TCF7: variants seen among roughly 807,000 people sequenced by gnomAD.
TCF7 encodes transcription factor 7.
A neutral mutation model predicts 46.8 loss-of-function variants in TCF7; 19 were observed. The ratio of observed to expected loss-of-function variants is 0.41; its 90% CI spans 0.28 to 0.60. TCF7 has a LOEUF of 0.60. Ranked by LOEUF, TCF7 falls within the 20% of genes least tolerant of loss-of-function variation. The pLI is 0.35. For synonymous variants in TCF7, 245 were observed against 213.4 expected (o/e 1.15, Z -1.29); for missense variants, 547 against 504.6 (o/e 1.08, Z -0.81).
the TCF7 span, among the ~76,000 whole-genome samples, chr5:134,109,512 G>A: frequency 2.0e-5 from 3 of 152,156 alleles, no homozygotes; most frequent in East Asian, 1.9e-4. Flanking sequence ...GCTCACGCTT[G>A]TAATCCCAGC....
At chr5:134,125,583 TGAG>T (rs1374498348) in intron 3 of TCF7, among the ~76,000 whole-genome samples, 2 of 152,116 alleles carry the variant, frequency 1.3e-5, no homozygotes, top group African/African-American at 4.8e-5. Context: ...CTGCTGAGGG[TGAG>T]GTGGTGGTCT....
chr5:134,140,974 T>C (rs1759660063), intron 5 of TCF7: 1 of 327,658 alleles, frequency 3.1e-6, no homozygotes, highest in Non-Finnish European at 6.0e-6. Context: ...GGCCAGTGCT[T>C]GCCCTGTGTT....
intron 3 of TCF7, among the ~76,000 whole-genome samples, chr5:134,133,395 G>A (rs186624432): frequency 9.2e-5 from 14 of 152,230 alleles, no homozygotes; most frequent in Admixed American, 6.5e-4. Flanking sequence ...ATTGAGGGCT[G>A]GGCACAGTCA....
rs922722297 is a variant in TCF7, at chr5:134,146,603, G to T, written c.*300G>T. The stretch of plus-strand genomic sequence containing the variant: ...CCAGATCTCATGGAAACTGGCCAGG[G>T]GTCCTGTTAACGTCATCTCAGGGTC... On this transcript the variant is annotated 3_prime_UTR_variant, in exon 10 of 10. Coordinates refer to ENST00000342854, the MANE Select transcript of TCF7 (RefSeq NM_003202.5). 7.3e-6 allele frequency: 5 copies of T among 687,768 alleles called. No individual in the cohort carries two copies. In the Admixed American group the frequency reaches 1.3e-4, roughly 18 times the overall value. 42.6% of individuals were successfully genotyped at this position (687,768 alleles called of 1,614,324 possible). A position where few individuals can be genotyped will look rare whatever the true frequency, so the allele number is the denominator to read the frequency against.
At chr5:134,140,190 T>A (rs531213210) in intron 5 of TCF7, among the ~76,000 whole-genome samples, 2 of 152,174 alleles carry the variant, frequency 1.3e-5, no homozygotes, top group Non-Finnish European at 2.9e-5. Context: ...TGAGCCCTAT[T>A]GTGTGCCGGG....
intron 6 of TCF7, 133 bp from the exon 7 acceptor site, chr5:134,142,588 G>T (rs1760001800): frequency 1.6e-6 from 2 of 1,233,450 alleles, no homozygotes; most frequent in Non-Finnish European, 2.2e-6. Context: ...TTTGGGGGCA[G>T]CTAGGAAAGA....
intron 6 of TCF7, 103 bp from the exon 7 acceptor site, chr5:134,142,618 G>A: frequency 1.4e-6 from 2 of 1,442,088 alleles, no homozygotes; most frequent in Non-Finnish European, 1.9e-6. Context: ...GAAAACTCTG[G>A]TATCATACAC....
rs191139575 is a variant in TCF7 at position 134,127,973 on chromosome 5, C to T, written c.442-10086C>T. Reference sequence around the variant, plus strand: ...CACAAATATTAGTTCATCTAATCCTCACAGCAACCCCATGAGACCTGGATG... The same window carrying T: ...CACAAATATTAGTTCATCTAATCCTTACAGCAACCCCATGAGACCTGGATG... On this transcript the variant is annotated intron_variant, in intron 3 of 9. Transcript: ENST00000342854. Among the ~76,000 whole-genome samples, 3 of 152,340 alleles carry T rather than the reference C, an allele frequency of 2.0e-5. No homozygotes were observed. In the East Asian group the frequency reaches 5.8e-4, roughly 29 times the overall value.
chr5:134,126,971 C>G (rs1192587052), intron 3 of TCF7, among the ~76,000 whole-genome samples: 1 of 151,968 alleles, frequency 6.6e-6, no homozygotes, highest in Non-Finnish European at 1.5e-5. Flanking sequence ...GATGGGGAAA[C>G]TGAGGCTCAG....
chr5:134,116,876 T>C (rs1755911780), intron 3 of TCF7, among the ~76,000 whole-genome samples: 1 of 152,166 alleles, frequency 6.6e-6, no homozygotes, highest in Non-Finnish European at 1.5e-5. Flanking sequence ...TGAAGGTACG[T>C]GGAAGGTTTG....
At chr5:134,140,145 G>C (rs1759515949) in intron 5 of TCF7, among the ~76,000 whole-genome samples, 1 of 152,198 alleles carries the variant, frequency 6.6e-6, no homozygotes, top group Non-Finnish European at 1.5e-5. Flanking sequence ...TTGGCTGTGA[G>C]GAAAGAAGTA....
chr5:134,145,678 A>T, intron 9 of TCF7: 1 of 1,560,976 alleles, frequency 6.4e-7, no homozygotes, highest in Non-Finnish European at 8.8e-7. Context: ...GTATCCACAT[A>T]CATATGCACG....
In TCF7 at chr5:134,146,784, C is replaced by G; in HGVS notation, c.*481C>G. On this transcript the variant is annotated 3_prime_UTR_variant, in exon 10 of 10. Transcript: ENST00000342854. ...TGGCTGCCTGCATCTATTCTTTGTA[C>G]CATCTGTCTTGCCAGCCAGAAGCCT... 1 of 510,632 alleles carries G rather than the reference C, an allele frequency of 2.0e-6. No homozygotes were observed. The allele number at this position is 510,632 out of a possible 1,614,324, so 31.6% of individuals were successfully genotyped here.
Position 134,146,578 on chromosome 5 carries a change from C to T in TCF7, c.*275C>T, listed in dbSNP as rs1334168570. ...CCTACCCCCTGAAAGTGACAGAGAC[C>T]CAGATCTCATGGAAACTGGCCAGGG... is the stretch of plus-strand genomic sequence containing the variant. On this transcript the variant is annotated 3_prime_UTR_variant, in exon 10 of 10. Transcript: ENST00000342854. 2.9e-6 allele frequency: 2 copies of T among 700,002 alleles called. No individual in the cohort carries two copies. The highest frequency in any genetic ancestry group is 5.3e-6 in the Non-Finnish European group (2 of 380,896). The allele number at this position is 700,002 out of a possible 1,614,324, so 43.4% of individuals were successfully genotyped here.
Position 134,142,853 on chromosome 5 carries a change from C to T in TCF7, c.888C>T (p.Ser296=), listed in dbSNP as rs770049843. The part of the protein sequence containing the change: ...KVIAECTLKE[S]AAINQILGRR... Reference sequence around the variant, plus strand: ...TTGCAGAGTGCACACTTAAGGAGAGCGCTGCCATCAACCAGATCCTGGGCC... The same window carrying T: ...TTGCAGAGTGCACACTTAAGGAGAGTGCTGCCATCAACCAGATCCTGGGCC... Residue 296 remains serine (S), a synonymous_variant, in exon 7 of 10, where the codon AGC becomes AGT. Coordinates refer to ENST00000342854, the MANE Select transcript of TCF7 (RefSeq NM_003202.5). The T allele has an allele frequency of 1.6e-5, 26 of 1,614,078 alleles. No individual in the cohort carries two copies. The East Asian group carries it at 5.6e-4, about 35-fold the overall frequency.
At position 134,147,762 on chromosome 5, in the gene TCF7, C is replaced by T. The variant is rs1050099302; in HGVS notation, c.*1459C>T. 5 of 151,984 alleles carry T rather than the reference C, an allele frequency of 3.3e-5. No individual in the cohort carries two copies. Among genetic ancestry groups the T allele is most frequent in the South Asian group, 2.1e-4 (1 of 4,812 alleles). The allele number at this position is 151,984 out of a possible 1,614,324, so 9.4% of individuals were successfully genotyped here. On this transcript the variant is annotated 3_prime_UTR_variant, in exon 10 of 10. Transcript: ENST00000342854. ...AGGCCGAGGCAGGTGGATCACCTGA[C>T]GTCAGTAGTTTGAGACCAGCCTGGC... is the stretch of plus-strand genomic sequence containing the variant.
chr5:134,137,966 T>TA, intron 3 of TCF7, 93 bp from the exon 4 acceptor site: 1 of 1,111,026 alleles, frequency 9.0e-7, no homozygotes, highest in South Asian at 1.7e-5. Context: ...CCACCACTTT[T>TA]CTTTGACAGC....
intron 3 of TCF7, chr5:134,123,730 G>A (rs1255684435): frequency 2.2e-6 from 1 of 456,384 alleles, no homozygotes; most frequent in East Asian, 6.9e-5. Context: ...AGAAGCTGAT[G>A]GGCGCATGCA....
chr5:134,140,616 C>T (rs979943812), intron 5 of TCF7: 1 of 356,038 alleles, frequency 2.8e-6, no homozygotes, highest in Non-Finnish European at 5.5e-6. Context: ...CCCTCAAGCA[C>T]CCATACAAGT....
Sources: gnomAD v4.1 joint callset for allele counts (sites outside exome capture counted in the v4.1 genomes callset) on GRCh38, gnomAD v4.1.1 for gene constraint, MANE v1.5 for transcripts, NCBI Gene and HGNC (gene_info 2026-07-23, HGNC 2026-07-21) for gene names.